Variants in PPP1R9B observed in about 807,000 individuals in gnomAD.
PPP1R9B encodes protein phosphatase 1 regulatory subunit 9B.
Under a neutral mutation model 75.8 loss-of-function variants are expected in PPP1R9B, and 17 were observed. The ratio of observed to expected loss-of-function variants is 0.22; its 90% CI spans 0.15 to 0.34. The LOEUF (loss-of-function observed/expected upper bound fraction) is 0.34. Among genes scored for constraint, PPP1R9B ranks in the 10% least tolerant of loss-of-function variants. The probability of loss-of-function intolerance (pLI) is 1.00; values close to 1 mark genes in which losing one functional copy is unlikely to be tolerated. For synonymous variants in PPP1R9B, 509 were observed against 535.4 expected (o/e 0.95, Z 0.68); for missense variants, 875 against 1,196.0 (o/e 0.73, Z 3.96).
intron 8 of PPP1R9B, 156 bp downstream of exon 8, chr17:50,135,812 T>A (rs1040474017): frequency 1.2e-6 from 1 of 854,506 alleles, no homozygotes; most frequent in Non-Finnish European, 1.8e-6. Flanking sequence ...GGCTCTGTGC[T>A]GGCTCTGATG....
rs1912597303 is a variant in PPP1R9B, at chr17:50,149,033, T to C, written c.1371+110A>G. ...GGGAACTTCTGGGAAGGGGGCTGGGTGGCAGGGGCTGACTCAGCCTGCCAA... is the reference window on the plus strand; with the variant it reads ...GGGAACTTCTGGGAAGGGGGCTGGGCGGCAGGGGCTGACTCAGCCTGCCAA... On this transcript the variant is annotated intron_variant, in intron 1 of 9. Coordinates refer to ENST00000612501, the MANE Select transcript of PPP1R9B (RefSeq NM_032595.5). The surrounding 1 kb of genome is among the most constrained non-coding windows in gnomAD (Gnocchi z 7.2). The C allele has an allele frequency of 1.4e-6, 1 of 719,256 alleles. No homozygotes were observed. The highest frequency in any genetic ancestry group is 2.1e-6 in the Non-Finnish European group (1 of 486,826). The allele number at this position is 719,256 out of a possible 1,614,324, so 44.6% of individuals were successfully genotyped here. A position where few individuals can be genotyped will look rare whatever the true frequency, so the allele number is the denominator to read the frequency against.
At position 50,135,645 on chromosome 17, in the gene PPP1R9B, T is replaced by G; in HGVS notation, c.2308A>C (p.Ile770Leu). ...RLIKDYQQKEIEFLKKETAQR... is the reference protein window; with the variant it reads ...RLIKDYQQKELEFLKKETAQR... ...GCAGTCTCCTTTTTCAGGAACTCGATCTCCCTGGGCACAGGCAAGGGACAG... is the reference window on the plus strand; with the variant it reads ...GCAGTCTCCTTTTTCAGGAACTCGAGCTCCCTGGGCACAGGCAAGGGACAG... The change falls in exon 9 of 10, where the codon ATC becomes CTC. Residue 770 changes from isoleucine (I) to leucine (L), a missense_variant. By Grantham distance (5) the Ile-to-Leu change is conservative. Around this residue, in one of 4 missense-constraint regions of PPP1R9B, gnomAD observed 218 missense variants for 334.6 expected, o/e 0.65. Coordinates refer to ENST00000612501, the MANE Select transcript of PPP1R9B (RefSeq NM_032595.5). 1 of 1,605,334 alleles carries G rather than the reference T, an allele frequency of 6.2e-7. No individual in the cohort carries two copies. Among genetic ancestry groups the G allele is most frequent in the Non-Finnish European group, 8.5e-7 (1 of 1,175,832 alleles).
At chr17:50,143,381 C>T (rs1327141964) in intron 3 of PPP1R9B, among the ~76,000 whole-genome samples, 21 of 152,242 alleles carry the variant, frequency 1.4e-4, no homozygotes, top group Admixed American at 1.4e-3. Context: ...AACACACGCT[C>T]CTTCAGGGCA....
chr17:50,149,383 C>A lies in PPP1R9B; in HGVS notation c.1131G>T (p.Glu377Asp). ...GNGRAPDVAP[E>D]EVDESKKEDF... Reference sequence around the variant, plus strand: ...CCTCCTTCTTGGATTCATCTACCTCCTCAGGGGCCACGTCCGGGGCCCGGC... The same window carrying A: ...CCTCCTTCTTGGATTCATCTACCTCATCAGGGGCCACGTCCGGGGCCCGGC... The change falls in exon 1 of 10, where the codon GAG becomes GAT. Residue 377 changes from glutamate (E) to aspartate (D), a missense_variant. Around this residue, in one of 4 missense-constraint regions of PPP1R9B, gnomAD observed 449 missense variants for 475.0 expected, o/e 0.95. Coordinates refer to ENST00000612501, the MANE Select transcript of PPP1R9B (RefSeq NM_032595.5). The surrounding 1 kb of genome is among the most constrained non-coding windows in gnomAD (Gnocchi z 7.2). 6.2e-7 allele frequency: 1 copy of A among 1,613,098 alleles called. No homozygotes were observed. The highest frequency in any genetic ancestry group is 1.1e-5 in the South Asian group (1 of 91,046).
At chr17:50,135,808 G>A (rs528612471) in intron 8 of PPP1R9B, 159 bp from the exon 9 acceptor site, 2 of 866,086 alleles carry the variant, frequency 2.3e-6, no homozygotes, top group Admixed American at 2.6e-5. Context: ...GTCTGGCTCT[G>A]TGCTGGCTCT....
rs535553415 is a variant in PPP1R9B, at chr17:50,136,251, G to A, written c.2074-54C>T. ...GGTGGGGGCCAGCAGGAGCCAAAGG[G>A]TACCCCCATCCTAGCACTGGGGCCA... On this transcript the variant is annotated intron_variant, in intron 7 of 9. Coordinates refer to ENST00000612501, the MANE Select transcript of PPP1R9B (RefSeq NM_032595.5). 333 of 1,494,134 alleles carry A rather than the reference G, an allele frequency of 2.2e-4. No homozygotes were observed. In the African/African-American group the frequency reaches 3.9e-3, roughly 17 times the overall value. The allele number at this position is 1,494,134 out of a possible 1,614,324, so 92.6% of individuals were successfully genotyped here.
At chr17:50,144,988 G>A in intron 2 of PPP1R9B, 125 bp downstream of exon 2, 1 of 1,231,740 alleles carries the variant, frequency 8.1e-7, no homozygotes, top group South Asian at 1.5e-5. Context: ...AAGGGCCTGA[G>A]TCAGAGGGAG....
intron 1 of PPP1R9B, among the ~76,000 whole-genome samples, chr17:50,146,636 T>C (rs1197420531): frequency 6.6e-6 from 1 of 152,166 alleles, no homozygotes; most frequent in Non-Finnish European, 1.5e-5. Context: ...ACCCCTCTGG[T>C]CACTTAGCTC....
chr17:50,138,311 CTG>C (rs1912283492), intron 7 of PPP1R9B, among the ~76,000 whole-genome samples: 1 of 152,186 alleles, frequency 6.6e-6, no homozygotes, highest in East Asian at 1.9e-4. Context: ...ATGGCCATGC[CTG>C]TGTGTTTCAG....
In PPP1R9B at chr17:50,145,211, C is replaced by G; in HGVS notation, c.1406G>C (p.Arg469Pro). 6.2e-7 allele frequency: 1 copy of G among 1,613,934 alleles called. No homozygotes were observed. The highest frequency in any genetic ancestry group is 8.5e-7 in the Non-Finnish European group (1 of 1,179,886). ...CATGGGATCCACATCCTCGTTGCGA[C>G]GATCGTAATCCTCGTTGGAGTAAGT... Reference protein sequence around the residue: ...FSTYSNEDYDRRNEDVDPMAA... With the variant: ...FSTYSNEDYDPRNEDVDPMAA... Residue 469 changes from arginine to proline, a missense_variant, in exon 2 of 10, where the codon CGT (arginine) becomes CCT (proline). Around this residue, in one of 4 missense-constraint regions of PPP1R9B, gnomAD observed 63 missense variants for 160.2 expected, o/e 0.39. Transcript: ENST00000612501.
chr17:50,135,304 T>C lies in PPP1R9B; in HGVS notation c.*27A>G, dbSNP rs755772424. 3.8e-6 allele frequency: 6 copies of C among 1,592,122 alleles called. No homozygotes were observed. Among genetic ancestry groups the C allele is most frequent in the Non-Finnish European group, 4.3e-6 (5 of 1,160,600 alleles). On this transcript the variant is annotated 3_prime_UTR_variant, in exon 10 of 10. Coordinates refer to ENST00000612501, the MANE Select transcript of PPP1R9B (RefSeq NM_032595.5). ...GGAGGACAATGGGAGGGGGGTTAAT[T>C]ATTGTCCAGTCATGGAATGATTCCT...
rs561035523 is a variant in PPP1R9B at position 50,145,314 on chromosome 17, G to A, written c.1372-69C>T. 78 of 1,596,476 alleles carry A rather than the reference G, an allele frequency of 4.9e-5. No individual in the cohort carries two copies. The East Asian group carries it at 1.3e-3, about 26-fold the overall frequency. Reference sequence around the variant, plus strand: ...AGTGCAGAACTGGCATGAGGAGGCCGAGGAGGCAGGCTGAGTTACCCACCC... The same window carrying A: ...AGTGCAGAACTGGCATGAGGAGGCCAAGGAGGCAGGCTGAGTTACCCACCC... On this transcript the variant is annotated intron_variant, in intron 1 of 9. Transcript: ENST00000612501.
chr17:50,146,544 C>T (rs1301601801), intron 1 of PPP1R9B, among the ~76,000 whole-genome samples: 1 of 152,154 alleles, frequency 6.6e-6, no homozygotes, highest in Non-Finnish European at 1.5e-5. Flanking sequence ...CCGTGTCGTC[C>T]CCACCCCCTA....
At position 50,150,157 on chromosome 17, in the gene PPP1R9B, C is replaced by T. The variant is rs2144462786; in HGVS notation, c.357G>A (p.Glu119=). Reference sequence around the variant, plus strand: ...GCTTGGAGTCGAAGCGGCTCACGCGCTCCGACACGCTGGTGCCCAGCTTCA... The same window carrying T: ...GCTTGGAGTCGAAGCGGCTCACGCGTTCCGACACGCTGGTGCCCAGCTTCA... The part of the protein sequence containing the change: ...ALLKLGTSVS[E]RVSRFDSKPA... Residue 119 remains glutamate (E), a synonymous_variant, in exon 1 of 10, where the codon GAG becomes GAA. Transcript: ENST00000612501. This position sits in a 1 kb window ranked among gnomAD's most constrained non-coding sequence, Gnocchi z 8.7. 3 of 1,447,728 alleles carry T rather than the reference C, an allele frequency of 2.1e-6. No individual in the cohort carries two copies. The highest frequency in any genetic ancestry group is 1.5e-5 in the African/African-American group (1 of 67,690). The allele number at this position is 1,447,728 out of a possible 1,614,324, so 89.7% of individuals were successfully genotyped here. A position where few individuals can be genotyped will look rare whatever the true frequency, so the allele number is the denominator to read the frequency against.
At chr17:50,141,183 C>T (rs1567728568) in intron 4 of PPP1R9B, 86 bp downstream of exon 4, 5 of 896,862 alleles carry the variant, frequency 5.6e-6, no homozygotes, top group Non-Finnish European at 8.7e-6. Context: ...CCACCAGAAC[C>T]TTAACTGGCT....
At chr17:50,145,046 G>A in intron 2 of PPP1R9B, 67 bp downstream of exon 2, 3 of 1,573,018 alleles carry the variant, frequency 1.9e-6, no homozygotes, top group Non-Finnish European at 2.6e-6. Flanking sequence ...GGCAGGAGCT[G>A]GTGCCAGAGA....
In PPP1R9B at chr17:50,136,968, T is replaced by C. The variant is rs188066211; in HGVS notation, c.2074-771A>G. 1.6e-4 allele frequency among the ~76,000 whole-genome samples: 25 copies of C among 152,268 alleles called. 1 individual carries two copies. Among genetic ancestry groups the C allele is most frequent in the Admixed American group, 4.6e-4 (7 of 15,296 alleles). ...TCTGTTAAAAGGCGCCACAACCTCA[T>C]AGCCATGTTGGCACTCAGTCTCAGG... On this transcript the variant is annotated intron_variant, in intron 7 of 9. Transcript: ENST00000612501.
At position 50,143,627 on chromosome 17, in the gene PPP1R9B, C is replaced by T. The variant is rs779450527; in HGVS notation, c.1596G>A (p.Thr532=). ...EKLGIFVKTV[T]EGGAAHRDGR... is the part of the protein sequence containing the mutation. The stretch of plus-strand genomic sequence containing the variant: ...CATCCCGATGGGCCGCACCACCCTC[C>T]GTCACGGTCTTGACGAAGATACCCA... The change falls in exon 3 of 10, where the codon ACG becomes ACA. Residue 532 remains threonine (T), a synonymous_variant. Coordinates refer to ENST00000612501, the MANE Select transcript of PPP1R9B (RefSeq NM_032595.5). 19 of 1,613,898 alleles carry T rather than the reference C, an allele frequency of 1.2e-5. No individual in the cohort carries two copies. Among genetic ancestry groups the T allele is most frequent in the South Asian group, 1.1e-4 (10 of 91,090 alleles).
rs1159599880 is a variant in PPP1R9B, at chr17:50,141,389, T to C, written c.1626-16A>G. ...CACCTGGATCCTAGCGGAGTGACAT[T>C]GGTTAAGGGGTCACAGGGGAACCGA... On this transcript the variant is annotated splice_polypyrimidine_tract_variant and intron_variant, in intron 3 of 9. Transcript: ENST00000612501. 1.9e-6 allele frequency: 3 copies of C among 1,543,132 alleles called. No individual in the cohort carries two copies. The highest frequency in any genetic ancestry group is 2.6e-6 in the Non-Finnish European group (3 of 1,137,310).
Sources: allele counts gnomAD v4.1 joint callset (sites outside exome capture counted in the v4.1 genomes callset), GRCh38; gene constraint gnomAD v4.1.1; regional missense constraint gnomAD v4.1.1; non-coding constraint Gnocchi (gnomAD v3.1); transcripts MANE v1.5; gene names NCBI Gene and HGNC (gene_info 2026-07-23, HGNC 2026-07-21).